Variants in DYRK1A observed in about 807,000 individuals in gnomAD.
DYRK1A encodes dual specificity tyrosine phosphorylation regulated kinase 1A.
In DYRK1A, 9 loss-of-function variants were observed where a neutral mutation model predicts 79.7. The observed-to-expected ratio is 0.11, with a 90% confidence interval of 0.07 to 0.20. The LOEUF is 0.20. Among genes scored for constraint, DYRK1A ranks in the 10% least tolerant of loss-of-function variants. DYRK1A has a pLI of 1.00. For missense variants in DYRK1A, 622 were observed against 956.0 expected, an observed-to-expected ratio of 0.65 and a Z score of 4.61; for synonymous variants, 349 against 329.7, an observed-to-expected ratio of 1.06 and a Z score of -0.63.
chr21:37,479,061 GC>G (rs2148574056), intron 4 of DYRK1A, among the ~76,000 whole-genome samples: 1 of 152,312 alleles, frequency 6.6e-6, no homozygotes, highest in Non-Finnish European at 1.5e-5. Flanking sequence ...TCTAGTGGGA[GC>G]CCTGCACCCT....
intron 6 of DYRK1A, among the ~76,000 whole-genome samples, 170 bp from the exon 7 acceptor site, chr21:37,490,005 A>G (rs909588731): frequency 6.6e-6 from 1 of 152,154 alleles, no homozygotes; most frequent in Non-Finnish European, 1.5e-5. Flanking sequence ...AGCAACTTAG[A>G]TATTCTTAAC....
Position 37,524,510 on chromosome 21 carries a change from T to G in DYRK1A, c.*11979T>G, listed in dbSNP as rs2053955633. The G allele has an allele frequency of 6.6e-6, 1 of 152,248 alleles. No individual in the cohort carries two copies. The highest frequency in any genetic ancestry group is 6.5e-5 in the Admixed American group (1 of 15,286). 9.4% of individuals were successfully genotyped at this position (152,248 alleles called of 1,614,324 possible). A position where few individuals can be genotyped will look rare whatever the true frequency, so the allele number is the denominator to read the frequency against. On this transcript the variant is annotated 3_prime_UTR_variant, in exon 12 of 12. Coordinates refer to ENST00000647188, the MANE Select transcript of DYRK1A (RefSeq NM_001347721.2). ...TTATGGTGAATTAATTAAATCATGC[T>G]TGATTACTGCAGCTGAAGAAACATG...
chr21:37,411,251 G>A (rs1245041648), intron 1 of DYRK1A, among the ~76,000 whole-genome samples: 1 of 151,772 alleles, frequency 6.6e-6, no homozygotes, highest in Admixed American at 6.6e-5. Flanking sequence ...AGCTACTCAG[G>A]CGGCTGAGGC....
At position 37,440,130 on chromosome 21, in the gene DYRK1A, CTTTT is replaced by C. The variant is rs1164986221; in HGVS notation, c.10+19766_10+19769del. ...CCGTTGACTTTGATTTTGTTTGCTCCTTTTTTTTTTTTTTTTTTTTTTTGAGACG... is the reference window on the plus strand; with the variant it reads ...CCGTTGACTTTGATTTTGTTTGCTCCTTTTTTTTTTTTTTTTTTTGAGACG... On this transcript the variant is annotated intron_variant, in intron 2 of 11. Transcript: ENST00000647188. 3.2e-3 allele frequency among the ~76,000 whole-genome samples: 120 copies of C among 37,766 alleles called. 4 individuals are homozygous for C. The East Asian group carries it at 0.044, about 14-fold the overall frequency. The allele number at this position is 37,766 out of a possible 152,430, so 24.8% of individuals were successfully genotyped here. A position where few individuals can be genotyped will look rare whatever the true frequency, so the allele number is the denominator to read the frequency against.
chr21:37,440,656 T>G lies in DYRK1A; in HGVS notation c.10+20272T>G, dbSNP rs567326878. ...TGAGTTGTGGTTATTTAGGACTATTTTGTTTTGAGTTATGGTTTCTTCCTT... is the reference window on the plus strand; with the variant it reads ...TGAGTTGTGGTTATTTAGGACTATTGTGTTTTGAGTTATGGTTTCTTCCTT... On this transcript the variant is annotated intron_variant, in intron 2 of 11. Coordinates refer to ENST00000647188, the MANE Select transcript of DYRK1A (RefSeq NM_001347721.2). Among the ~76,000 whole-genome samples, 19 of 152,326 alleles carry G rather than the reference T, an allele frequency of 1.2e-4. No homozygotes were observed. The South Asian group carries it at 3.9e-3, about 32-fold the overall frequency.
In DYRK1A at chr21:37,486,563, C is replaced by T. The variant is rs724159949; in HGVS notation, c.586C>T (p.Arg196Ter). Residue 196 changes from arginine to a stop codon, truncating the protein, a stop_gained, in exon 6 of 12, where the codon CGA becomes TGA. Transcript: ENST00000647188. LOFTEE classifies it high-confidence loss of function. ...TCTGAATCAAGCACAGATAGAAGTG[C>T]GACTTCTTGAGCTCATGAACAAACA... ...AFLNQAQIEVRLLELMNKHDT... is the reference protein window; with the variant it reads ...AFLNQAQIEV The T allele has an allele frequency of 6.3e-7, 1 of 1,595,504 alleles. No homozygotes were observed. The highest frequency in any genetic ancestry group is 2.3e-5 in the East Asian group (1 of 43,604).
In DYRK1A at chr21:37,517,783, G is replaced by C. The variant is rs1054240975; in HGVS notation, c.*5252G>C. On this transcript the variant is annotated 3_prime_UTR_variant, in exon 12 of 12. Coordinates refer to ENST00000647188, the MANE Select transcript of DYRK1A (RefSeq NM_001347721.2). ...AATTTGGAATCATCATCCACTCACTGTTGGACAGAAAGACTGCAGAGAAGG... is the reference window on the plus strand; with the variant it reads ...AATTTGGAATCATCATCCACTCACTCTTGGACAGAAAGACTGCAGAGAAGG... 8.5e-5 allele frequency: 13 copies of C among 152,282 alleles called. No individual in the cohort carries two copies. The highest frequency in any genetic ancestry group is 3.1e-4 in the African/African-American group (13 of 41,448). 9.4% of individuals were successfully genotyped at this position (152,282 alleles called of 1,614,324 possible).
chr21:37,421,137 T>G (rs187541604), intron 2 of DYRK1A, among the ~76,000 whole-genome samples: 1 of 152,154 alleles, frequency 6.6e-6, no homozygotes, highest in South Asian at 2.1e-4. Flanking sequence ...TAAGGCATTT[T>G]GTTGAACTAA....
intron 1 of DYRK1A, among the ~76,000 whole-genome samples, chr21:37,377,115 TTTTA>T (rs1281378218): frequency 1.3e-5 from 2 of 152,166 alleles, no homozygotes; most frequent in South Asian, 2.1e-4. Flanking sequence ...AACTTAAGCT[TTTTA>T]TTTATTTAGT....
intron 2 of DYRK1A, among the ~76,000 whole-genome samples, chr21:37,456,808 G>A (rs2051654102): frequency 6.6e-6 from 1 of 152,080 alleles, no homozygotes; most frequent in Non-Finnish European, 1.5e-5. Context: ...TTATGCATAG[G>A]GCTTTTGTGG....
In DYRK1A at chr21:37,524,080, ATGAATTGTTAC is replaced by A; in HGVS notation, c.*11556_*11566del. 1 of 152,238 alleles carries A rather than the reference ATGAATTGTTAC, an allele frequency of 6.6e-6. No homozygotes were observed. Among genetic ancestry groups the A allele is most frequent in the African/African-American group, 2.4e-5 (1 of 41,450 alleles). The allele number at this position is 152,238 out of a possible 1,614,324, so 9.4% of individuals were successfully genotyped here. On this transcript the variant is annotated 3_prime_UTR_variant, in exon 12 of 12. Coordinates refer to ENST00000647188, the MANE Select transcript of DYRK1A (RefSeq NM_001347721.2). ...TTGTGCTTTTAAGGTACAATGGAGT[ATGAATTGTTAC>A]TGAATTAGGCAGCAAAGTGCAATGA...
intron 9 of DYRK1A, among the ~76,000 whole-genome samples, chr21:37,501,173 T>G (rs1366315998): frequency 7.0e-6 from 1 of 142,014 alleles, no homozygotes; most frequent in Non-Finnish European, 1.5e-5. Flanking sequence ...TTGGTTTTTT[T>G]TTTTTTTTTT....
Position 37,472,857 on chromosome 21 carries a change from A to T in DYRK1A, c.184A>T (p.Ile62Phe). Reference sequence around the variant, plus strand: ...TTCTGCCTTATCATATTCTGACCAGATTCAGCAACCTCTAACTAACCAGGT... The same window carrying T: ...TTCTGCCTTATCATATTCTGACCAGTTTCAGCAACCTCTAACTAACCAGGT... The part of the protein sequence containing the change: ...QVSALSYSDQ[I>F]QQPLTNQRRM... The change falls in exon 3 of 12, where the codon ATT becomes TTT. Residue 62 changes from isoleucine to phenylalanine, a missense_variant. This residue lies in a region of DYRK1A where 91 missense variants were observed against 113.8 expected (regional missense o/e 0.80). Transcript: ENST00000647188. 6.3e-7 allele frequency: 1 copy of T among 1,586,964 alleles called. No individual in the cohort carries two copies. The highest frequency in any genetic ancestry group is 1.1e-5 in the South Asian group (1 of 87,732).
At chr21:37,476,731 G>T (rs192167831) in intron 3 of DYRK1A, among the ~76,000 whole-genome samples, 15 of 149,242 alleles carry the variant, frequency 1.0e-4, no homozygotes, top group African/African-American at 3.2e-4. Flanking sequence ...GTTTAGAAAA[G>T]TAAGACTGTC....
intron 1 of DYRK1A, among the ~76,000 whole-genome samples, chr21:37,409,275 C>T (rs1003538959): frequency 6.6e-6 from 1 of 152,118 alleles, no homozygotes; most frequent in Non-Finnish European, 1.5e-5. Context: ...AAATGGTTTA[C>T]AGGTGCCACA....
At chr21:37,417,517 CTTTTTCTTTTTCTTTT>C (rs2050369247) in intron 1 of DYRK1A, among the ~76,000 whole-genome samples, 3 of 52,254 alleles carry the variant, frequency 5.7e-5, no homozygotes, top group African/African-American at 2.9e-4. Context: ...TTTTCTTTTT[CTTTTTCTTTTTCTTTT>C]TTTTTTTTTT....
At chr21:37,461,264 TTATC>T (rs1333985076) in intron 2 of DYRK1A, among the ~76,000 whole-genome samples, 1 of 152,204 alleles carries the variant, frequency 6.6e-6, no homozygotes, top group Non-Finnish European at 1.5e-5. Flanking sequence ...TTTATTTAAA[TTATC>T]TAAGTTATAA....
chr21:37,504,064 G>A (rs1429014097), intron 9 of DYRK1A: 6 of 152,144 alleles, frequency 3.9e-5, no homozygotes, highest in African/African-American at 1.4e-4. Context: ...CCCCTCATGT[G>A]GGGCTGAGTT....
intron 1 of DYRK1A, among the ~76,000 whole-genome samples, chr21:37,389,950 G>A (rs6517413): frequency 6.7e-6 from 1 of 150,364 alleles, no homozygotes; most frequent in Non-Finnish European, 1.5e-5. Flanking sequence ...TAGAGACAGG[G>A]TGTTGCTCAC....
Sources: allele counts gnomAD v4.1 joint callset (sites outside exome capture counted in the v4.1 genomes callset), GRCh38; gene constraint gnomAD v4.1.1; regional missense constraint gnomAD v4.1.1; transcripts MANE v1.5; gene names NCBI Gene and HGNC (gene_info 2026-07-23, HGNC 2026-07-21).